HIRA: variants seen among roughly 807,000 people sequenced by gnomAD.
HIRA encodes histone cell cycle regulator.
HIRA carries 13 observed loss-of-function variants against 126.6 expected under a neutral mutation model. The ratio of observed to expected loss-of-function variants is 0.10; its 90% CI spans 0.07 to 0.16. The LOEUF (loss-of-function observed/expected upper bound fraction) is 0.16, where lower values mean the gene tolerates loss of function less well. HIRA is among the 10% of genes least tolerant of loss of function. The pLI is 1.00. For missense variants in HIRA, 834 were observed against 1,314.4 expected, an observed-to-expected ratio of 0.63 and a Z score of 5.65; for synonymous variants, 511 against 520.0, an observed-to-expected ratio of 0.98 and a Z score of 0.24.
At chr22:19,394,281 C>T (rs2089205742) in intron 8 of HIRA, 61 bp downstream of exon 8, 1 of 1,564,832 alleles carries the variant, frequency 6.4e-7, no homozygotes, top group African/African-American at 1.4e-5. Context: ...TCAAAATAAA[C>T]CAAGAATTAA....
chr22:19,396,820 C>T lies in HIRA; in HGVS notation c.621G>A (p.Gln207=), dbSNP rs1280598949. ...AAGGCTTGGTGATGCTGGTCTCCAA[C>T]TGCCAGTCCAGCGTCCTCCACACCT... ...SLKVWRTLDW[Q]LETSITKPFD... Residue 207 remains glutamine, a synonymous_variant, in exon 7 of 25, where the codon CAG becomes CAA. Transcript: ENST00000263208. 4.3e-6 allele frequency: 7 copies of T among 1,614,204 alleles called. No individual in the cohort carries two copies. The highest frequency in any genetic ancestry group is 5.9e-6 in the Non-Finnish European group (7 of 1,180,036).
chr22:19,336,766 G>T (rs1251606741), intron 24 of HIRA, among the ~76,000 whole-genome samples: 1 of 152,198 alleles, frequency 6.6e-6, no homozygotes, highest in African/African-American at 2.4e-5. Context: ...GCCCCACTGG[G>T]TGGCTAGACC....
chr22:19,401,918 G>GAGA (rs1414843800), intron 5 of HIRA, among the ~76,000 whole-genome samples: 31 of 152,134 alleles, frequency 2.0e-4, no homozygotes, highest in Non-Finnish European at 4.4e-4. Context: ...TTCTTGCTCA[G>GAGA]AGAAGAGCCT....
chr22:19,365,187 A>G (rs151234223), intron 15 of HIRA, among the ~76,000 whole-genome samples: 2 of 152,288 alleles, frequency 1.3e-5, no homozygotes, highest in African/African-American at 4.8e-5. Context: ...TATAACATAA[A>G]ACGGCAAGGT....
chr22:19,364,953 T>C (rs925067763), intron 15 of HIRA, among the ~76,000 whole-genome samples: 4 of 152,206 alleles, frequency 2.6e-5, no homozygotes, highest in Non-Finnish European at 5.9e-5. Context: ...GAACACATGT[T>C]TGAAAAGAAA....
chr22:19,331,100 GC>G lies in HIRA; in HGVS notation c.*339del. On this transcript the variant is annotated 3_prime_UTR_variant, in exon 25 of 25. Transcript: ENST00000263208. ...ATCGTCACTGCTGAAGCAGCATGGT[GC>G]CTGCAGCAGCAGGGGCTAGTGTCCA... is the stretch of plus-strand genomic sequence containing the variant. The G allele has an allele frequency of 8.2e-7, 1 of 1,217,478 alleles. No individual in the cohort carries two copies. The highest frequency in any genetic ancestry group is 1.1e-6 in the Non-Finnish European group (1 of 949,322). The allele number at this position is 1,217,478 out of a possible 1,614,324, so 75.4% of individuals were successfully genotyped here.
intron 1 of HIRA, among the ~76,000 whole-genome samples, chr22:19,426,647 G>C (rs147284356): frequency 7.2e-5 from 11 of 152,276 alleles, no homozygotes; most frequent in African/African-American, 2.6e-4. Context: ...TTTCTGTTCA[G>C]AGAGAGAGCC....
chr22:19,412,998 G>C (rs192798906), intron 1 of HIRA, among the ~76,000 whole-genome samples: 1 of 152,286 alleles, frequency 6.6e-6, no homozygotes, highest in Admixed American at 6.5e-5. Context: ...GGGTCCCAAG[G>C]GTTGAGTAAG....
At chr22:19,388,449 T>C (rs1336607136) in intron 10 of HIRA, 35 bp downstream of exon 10, 1 of 1,538,972 alleles carries the variant, frequency 6.5e-7, no homozygotes, top group Non-Finnish European at 9.0e-7. Flanking sequence ...GCTTCTCCTT[T>C]CTTAACCTAT....
rs531131360 is a variant in HIRA at position 19,331,498 on chromosome 22, C to T, written c.2996G>A (p.Arg999Gln). 34 of 1,613,726 alleles carry T rather than the reference C, an allele frequency of 2.1e-5. No homozygotes were observed. Among genetic ancestry groups the T allele is most frequent in the Admixed American group, 3.3e-5 (2 of 60,020 alleles). The change falls in exon 25 of 25, where the codon CGA (arginine) becomes CAA (glutamine). Residue 999 changes from arginine to glutamine, a missense_variant. Physicochemically the swap from Arg to Gln is conservative, Grantham distance 43. Around this residue, in one of 5 missense-constraint regions of HIRA, gnomAD observed 58 missense variants for 114.5 expected, o/e 0.51. Coordinates refer to ENST00000263208, the MANE Select transcript of HIRA (RefSeq NM_003325.4). ...ACACTCGGTGAAGAGGCGCTGGAATCGGAGGTTCTGCCCGATGACTGGTAG... is the reference window on the plus strand; with the variant it reads ...ACACTCGGTGAAGAGGCGCTGGAATTGGAGGTTCTGCCCGATGACTGGTAG... ...ELLPVIGQNLRFQRLFTECQE... is the reference protein window; with the variant it reads ...ELLPVIGQNLQFQRLFTECQE...
intron 24 of HIRA, among the ~76,000 whole-genome samples, chr22:19,349,364 A>C (rs1407438961): frequency 6.6e-6 from 1 of 152,164 alleles, no homozygotes; most frequent in Non-Finnish European, 1.5e-5. Flanking sequence ...CGGTTTCCCA[A>C]AGTGCTGGGA....
chr22:19,382,003 T>A (rs1206432346), intron 13 of HIRA, among the ~76,000 whole-genome samples: 1 of 152,184 alleles, frequency 6.6e-6, no homozygotes, highest in Non-Finnish European at 1.5e-5. Context: ...CTGTGCAAAT[T>A]TATTTGCACA....
chr22:19,393,839 G>C (rs956621565), intron 8 of HIRA, among the ~76,000 whole-genome samples: 22 of 152,280 alleles, frequency 1.4e-4, no homozygotes, highest in African/African-American at 4.8e-4. Flanking sequence ...CTTGGGCTCT[G>C]TCAGGACACT....
intron 15 of HIRA, among the ~76,000 whole-genome samples, chr22:19,368,503 T>C (rs939575638): frequency 6.6e-6 from 1 of 152,150 alleles, no homozygotes; most frequent in Admixed American, 6.5e-5. Context: ...AATCAGATCA[T>C]GTACATTTTC....
intron 15 of HIRA, among the ~76,000 whole-genome samples, chr22:19,373,905 T>C (rs1362685788): frequency 1.7e-4 from 13 of 74,288 alleles, no homozygotes; most frequent in Non-Finnish European, 5.4e-4. Flanking sequence ...CTTGCACCCA[T>C]GGTGCAGTTC....
chr22:19,375,501 C>T, intron 15 of HIRA, 130 bp downstream of exon 15: 5 of 914,212 alleles, frequency 5.5e-6, no homozygotes, highest in Non-Finnish European at 8.3e-6. Flanking sequence ...AGTCTTGCTC[C>T]CATGTATTGA....
chr22:19,374,813 G>A (rs1960105911), intron 15 of HIRA, among the ~76,000 whole-genome samples: 1 of 152,190 alleles, frequency 6.6e-6, no homozygotes, highest in Non-Finnish European at 1.5e-5. Flanking sequence ...GGGTGTGTCT[G>A]CCCAGGGCTG....
At chr22:19,418,172 T>C (rs567221663) in intron 1 of HIRA, among the ~76,000 whole-genome samples, 3 of 152,274 alleles carry the variant, frequency 2.0e-5, no homozygotes, top group East Asian at 1.9e-4. Context: ...ATAATGTGAA[T>C]TGTGACAGTA....
At chr22:19,420,183 C>A (rs536118999) in intron 1 of HIRA, among the ~76,000 whole-genome samples, 1 of 152,166 alleles carries the variant, frequency 6.6e-6, no homozygotes, top group Admixed American at 6.5e-5. Flanking sequence ...TGAGATTGGG[C>A]GCAGTGGCTC....
Sources: gnomAD v4.1 joint callset for allele counts (sites outside exome capture counted in the v4.1 genomes callset) on GRCh38, gnomAD v4.1.1 for gene constraint, gnomAD v4.1.1 regional missense constraint, MANE v1.5 for transcripts, NCBI Gene and HGNC (gene_info 2026-07-23, HGNC 2026-07-21) for gene names.